The following RBM33 variants were observed in gnomAD, a reference collection of about 807,000 sequenced individuals.
The protein encoded by RBM33 is RNA-binding protein 33.
Under a neutral mutation model 132.6 loss-of-function variants are expected in RBM33, and 28 were observed. The observed-to-expected ratio is 0.21, with a 90% confidence interval of 0.16 to 0.29. The LOEUF is 0.29. Ranked by LOEUF, RBM33 falls within the 10% of genes least tolerant of loss-of-function variation. The pLI, the probability that RBM33 is intolerant of heterozygous loss-of-function variation, is 1.00. For missense variants in RBM33, 1,291 were observed against 1,518.5 expected, an observed-to-expected ratio of 0.85 and a Z score of 2.49; for synonymous variants, 634 against 593.0, an observed-to-expected ratio of 1.07 and a Z score of -1.01.
At chr7:155,750,705 CT>C (rs767268429) in intron 14 of RBM33, among the ~76,000 whole-genome samples, 5 of 150,122 alleles carry the variant, frequency 3.3e-5, no homozygotes, top group Admixed American at 2.0e-4. Flanking sequence ...TGTTACCACC[CT>C]TTTAGTTGAA....
Position 155,777,012 on chromosome 7 carries a change from T to C in RBM33, c.*1971T>C, listed in dbSNP as rs934876243. 7.2e-5 allele frequency: 11 copies of C among 152,224 alleles called. No individual in the cohort carries two copies. The highest frequency in any genetic ancestry group is 2.4e-4 in the African/African-American group (10 of 41,382). The allele number at this position is 152,224 out of a possible 1,614,324, so 9.4% of individuals were successfully genotyped here. A position where few individuals can be genotyped will look rare whatever the true frequency, so the allele number is the denominator to read the frequency against. ...AAGGCCTACCGACTTACTTTATCAT[T>C]GAGGGCTTACTGATACAATGAAATG... On this transcript the variant is annotated 3_prime_UTR_variant, in exon 18 of 18. Transcript: ENST00000401878.
At chr7:155,764,291 A>T (rs962545573) in intron 15 of RBM33, among the ~76,000 whole-genome samples, 2 of 152,150 alleles carry the variant, frequency 1.3e-5, no homozygotes, top group Non-Finnish European at 2.9e-5. Flanking sequence ...TCGACCCAGC[A>T]GCATCTGCTG....
At chr7:155,773,586 AAAAAAAAAAG>A (rs1802507311) in intron 16 of RBM33, among the ~76,000 whole-genome samples, 1 of 142,306 alleles carries the variant, frequency 7.0e-6, no homozygotes, top group Non-Finnish European at 1.6e-5. Flanking sequence ...AAAAAAAAAA[AAAAAAAAAAG>A]GAGTCAGGGG....
chr7:155,691,848 G>T (rs932297409), intron 5 of RBM33, among the ~76,000 whole-genome samples: 1 of 151,980 alleles, frequency 6.6e-6, no homozygotes, highest in South Asian at 2.1e-4. Context: ...TTGAGCTCAG[G>T]AGACCAACAT....
At chr7:155,685,468 A>G (rs1438082912) in intron 5 of RBM33, among the ~76,000 whole-genome samples, 3 of 152,216 alleles carry the variant, frequency 2.0e-5, no homozygotes, top group Non-Finnish European at 4.4e-5. Context: ...CTTTCAAGGA[A>G]ATTGGAGTCT....
chr7:155,732,777 G>A (rs1048077735), intron 9 of RBM33, among the ~76,000 whole-genome samples: 1 of 152,226 alleles, frequency 6.6e-6, no homozygotes, highest in Non-Finnish European at 1.5e-5. Context: ...GGGGACAGCT[G>A]TGTGGTGGAA....
At chr7:155,666,403 G>T (rs988853888) in intron 2 of RBM33, among the ~76,000 whole-genome samples, 1 of 152,168 alleles carries the variant, frequency 6.6e-6, no homozygotes, top group Non-Finnish European at 1.5e-5. Context: ...TCAGTCTGTG[G>T]ACTCATTGCT....
chr7:155,677,033 A>G (rs1003936169), intron 3 of RBM33, among the ~76,000 whole-genome samples: 11 of 152,116 alleles, frequency 7.2e-5, no homozygotes, highest in African/African-American at 2.4e-4. Flanking sequence ...CTCTCATTGA[A>G]TTATTAATTT....
chr7:155,706,670 C>T (rs962764875), intron 6 of RBM33, 190 bp from the exon 7 acceptor site: 2 of 553,240 alleles, frequency 3.6e-6, no homozygotes, highest in Non-Finnish European at 6.5e-6. Flanking sequence ...TCTTATTTAT[C>T]AGATCTCACT....
At chr7:155,738,661 A>G (rs1563168731) in intron 11 of RBM33, 5 of 456,652 alleles carry the variant, frequency 1.1e-5, no homozygotes, top group Non-Finnish European at 1.9e-5. Flanking sequence ...AGGGTATACT[A>G]CTAATAAAAT....
chr7:155,687,758 G>C (rs1421228430), intron 5 of RBM33, among the ~76,000 whole-genome samples: 1 of 152,060 alleles, frequency 6.6e-6, no homozygotes, highest in East Asian at 1.9e-4. Flanking sequence ...TCTTGTTTTT[G>C]TCAGGTTTGT....
chr7:155,755,972 C>T (rs1801837147), intron 14 of RBM33, among the ~76,000 whole-genome samples: 1 of 152,114 alleles, frequency 6.6e-6, no homozygotes, highest in Admixed American at 6.5e-5. Context: ...AAAAATGTTT[C>T]TGGTTTGACC....
chr7:155,751,823 G>A (rs184900257), intron 14 of RBM33, among the ~76,000 whole-genome samples: 4 of 152,126 alleles, frequency 2.6e-5, no homozygotes, highest in African/African-American at 9.7e-5. Flanking sequence ...ACTTTGAGAC[G>A]ATTGGGACTA....
At position 155,661,144 on chromosome 7, in the gene RBM33, A is replaced by T. The variant is rs369991244; in HGVS notation, c.44-4031A>T. On this transcript the variant is annotated intron_variant, in intron 1 of 17. Transcript: ENST00000401878. ...TGTGTGTGTGTGTATATATATATAT[A>T]TATTTTTTTTTTTTTGAGACAGAGT... Among the ~76,000 whole-genome samples, 329 of 40,736 alleles carry T rather than the reference A, an allele frequency of 8.1e-3. 7 individuals carry two copies. Among genetic ancestry groups the T allele is most frequent in the Middle Eastern group, 0.015 (1 of 66 alleles). 26.7% of individuals were successfully genotyped at this position (40,736 alleles called of 152,430 possible).
At chr7:155,688,649 C>A (rs1049821500) in intron 5 of RBM33, among the ~76,000 whole-genome samples, 12 of 152,034 alleles carry the variant, frequency 7.9e-5, no homozygotes, top group Non-Finnish European at 1.5e-4. Flanking sequence ...GAGATACGTC[C>A]CATCAATACC....
chr7:155,760,390 TCA>T (rs1801995459), intron 14 of RBM33, among the ~76,000 whole-genome samples: 1 of 151,964 alleles, frequency 6.6e-6, no homozygotes, highest in Non-Finnish European at 1.5e-5. Context: ...AGTTGGAGAA[TCA>T]CAGTCAGTAA....
At position 155,745,065 on chromosome 7, in the gene RBM33, G is replaced by T. The variant is rs779305984; in HGVS notation, c.2442G>T (p.Gln814His). The change falls in exon 14 of 18, where the codon CAG becomes CAT. Residue 814 changes from glutamine (Q) to histidine (H), a missense_variant. By Grantham distance (24) the Gln-to-His change is conservative. This residue lies in a region of RBM33 where 841 missense variants were observed against 912.0 expected (regional missense o/e 0.92). Coordinates refer to ENST00000401878, the MANE Select transcript of RBM33 (RefSeq NM_053043.3). The surrounding 1 kb of genome is among the most constrained non-coding windows in gnomAD (Gnocchi z 4.1). ...AACAGAAGGAGTTACGGCGGCAGCA[G>T]CAGGCTGGTGCCAGGAAGAAGGAGC... ...ILKQKELRRQ[Q>H]QAGARKKELL... 1 of 1,606,300 alleles carries T rather than the reference G, an allele frequency of 6.2e-7. No individual in the cohort carries two copies. The highest frequency in any genetic ancestry group is 1.1e-5 in the South Asian group (1 of 90,006).
chr7:155,673,940 G>GTTGTTTTTTGTTTTTGTTTTTTTTTTTTT, intron 3 of RBM33, among the ~76,000 whole-genome samples: 2 of 54,214 alleles, frequency 3.7e-5, no homozygotes, highest in African/African-American at 8.3e-5. Flanking sequence ...TTTAGGCTTA[G>GTTGTTTTTTGTTTTTGTTTTTTTTTTTTT]TTTTTTTTTT....
intron 9 of RBM33, among the ~76,000 whole-genome samples, chr7:155,731,958 C>T (rs1053681945): frequency 6.6e-5 from 10 of 152,204 alleles, no homozygotes; most frequent in Admixed American, 5.9e-4. Context: ...CCTCTTTTAG[C>T]TTGTTCTAAT....
Sources: gnomAD v4.1 joint callset for allele counts (sites outside exome capture counted in the v4.1 genomes callset) on GRCh38, gnomAD v4.1.1 for gene constraint, gnomAD v4.1.1 regional missense constraint, Gnocchi (gnomAD v3.1) non-coding constraint, MANE v1.5 for transcripts, NCBI Gene and HGNC (gene_info 2026-07-23, HGNC 2026-07-21) for gene names.